The following AAK1 variants were observed in gnomAD, a reference collection of about 807,000 sequenced individuals.
AAK1 encodes AP2 associated kinase 1, also known as AP2-associated protein kinase 1.
AAK1 carries 37 observed loss-of-function variants against 116.0 expected under a neutral mutation model. The ratio of observed to expected loss-of-function variants is 0.32; its 90% confidence interval spans 0.25 to 0.42. The LOEUF is 0.42. AAK1 is among the 10% of genes least tolerant of loss of function. AAK1 has a pLI of 1.00. For missense variants in AAK1, 919 were observed against 1,170.6 expected (o/e 0.79, Z 3.14); for synonymous variants, 458 against 439.9 (o/e 1.04, Z -0.51).
chr2:69,492,340 A>G (rs1331552914), intron 17 of AAK1, among the ~76,000 whole-genome samples: 4 of 151,290 alleles, frequency 2.6e-5, no homozygotes, highest in Non-Finnish European at 4.4e-5. Context: ...CAGCCTCCTG[A>G]GTGCCTGGGA....
intron 2 of AAK1, among the ~76,000 whole-genome samples, chr2:69,640,051 A>ACTCTCTCTCTCTCTCTCTCT (rs34183429): frequency 4.1e-4 from 41 of 100,782 alleles, no homozygotes; most frequent in Non-Finnish European, 1.5e-4. Context: ...ACACACACAC[A>ACTCTCTCTCTCTCTCTCTCT]CACTCTCTCT....
At chr2:69,616,218 G>A (rs1033700457) in intron 2 of AAK1, among the ~76,000 whole-genome samples, 1 of 152,172 alleles carries the variant, frequency 6.6e-6, no homozygotes, top group African/African-American at 2.4e-5. Flanking sequence ...TCCAGGCTGA[G>A]CTTCTGGGCT....
At chr2:69,593,426 C>T (rs1369521986) in intron 2 of AAK1, among the ~76,000 whole-genome samples, 2 of 151,296 alleles carry the variant, frequency 1.3e-5, no homozygotes, top group East Asian at 3.9e-4. Context: ...ATTTTTACCA[C>T]AAGTAAATTT....
At chr2:69,503,248 T>C (rs967077417) in intron 16 of AAK1, among the ~76,000 whole-genome samples, 1 of 152,228 alleles carries the variant, frequency 6.6e-6, no homozygotes, top group African/African-American at 2.4e-5. Context: ...AATAAATTTA[T>C]GAGGTTAGAA....
At chr2:69,490,188 T>C (rs1675465876) in intron 17 of AAK1, among the ~76,000 whole-genome samples, 1 of 152,206 alleles carries the variant, frequency 6.6e-6, no homozygotes, top group Non-Finnish European at 1.5e-5. Context: ...AAAGATCGTT[T>C]CCTCAAATCC....
chr2:69,614,653 G>A (rs1464523161), intron 2 of AAK1, among the ~76,000 whole-genome samples: 1 of 152,174 alleles, frequency 6.6e-6, no homozygotes, highest in Non-Finnish European at 1.5e-5. Flanking sequence ...CATGTCCTAA[G>A]CCCAGAAACC....
rs561280700 is a variant in AAK1 at position 69,594,777 on chromosome 2, T to A, written c.164-37799A>T. 64 of 1,039,874 alleles carry A rather than the reference T, an allele frequency of 6.2e-5. No individual in the cohort carries two copies. In the South Asian group the frequency reaches 7.6e-4, roughly 12 times the overall value. The allele number at this position is 1,039,874 out of a possible 1,614,324, so 64.4% of individuals were successfully genotyped here. A position where few individuals can be genotyped will look rare whatever the true frequency, so the allele number is the denominator to read the frequency against. ...TCACTTAGCCCTTTCTCTTCTTACC[T>A]CCTCCCAGTTCAGAATGCTTGCCTC... On this transcript the variant is annotated intron_variant, in intron 2 of 21. Coordinates refer to ENST00000409085, the MANE Select transcript of AAK1 (RefSeq NM_014911.5).
intron 17 of AAK1, among the ~76,000 whole-genome samples, chr2:69,486,056 C>A (rs1280003553): frequency 1.3e-5 from 2 of 151,896 alleles, no homozygotes; most frequent in Non-Finnish European, 2.9e-5. Context: ...TCGGGCTCAA[C>A]AGATCCTTCA....
chr2:69,591,516 T>A (rs1673024260), intron 2 of AAK1, among the ~76,000 whole-genome samples: 1 of 138,252 alleles, frequency 7.2e-6, no homozygotes, highest in African/African-American at 2.6e-5. Flanking sequence ...TTTCTTTTTT[T>A]CTTTTTCTTT....
At chr2:69,635,197 T>C (rs1031903007) in intron 2 of AAK1, among the ~76,000 whole-genome samples, 1 of 152,160 alleles carries the variant, frequency 6.6e-6, no homozygotes, top group Admixed American at 6.5e-5. Flanking sequence ...CATAACAAGA[T>C]GCGTGACATC....
chr2:69,570,453 G>A lies in AAK1; in HGVS notation c.164-13475C>T, dbSNP rs370093399. On this transcript the variant is annotated intron_variant, in intron 2 of 21. Coordinates refer to ENST00000409085, the MANE Select transcript of AAK1 (RefSeq NM_014911.5). The stretch of plus-strand genomic sequence containing the variant: ...AATGTATTGTGATTATCTTGGATGT[G>A]TTAATCTCTCCACTAGACAGACAAG... 1.2e-4 allele frequency among the ~76,000 whole-genome samples: 19 copies of A among 152,094 alleles called. No homozygotes were observed. In the East Asian group the frequency reaches 3.5e-3, roughly 28 times the overall value.
At chr2:69,527,599 A>T (rs1670076649) in intron 8 of AAK1, among the ~76,000 whole-genome samples, 1 of 152,178 alleles carries the variant, frequency 6.6e-6, no homozygotes. Context: ...AGCTCTCAAT[A>T]TGAAAGTTAC....
intron 17 of AAK1, among the ~76,000 whole-genome samples, chr2:69,491,958 C>T: frequency 6.6e-6 from 1 of 152,066 alleles, no homozygotes; most frequent in East Asian, 1.9e-4. Context: ...TGAGAACTGT[C>T]CCAAAGATAA....
chr2:69,525,149 G>A (rs1669970272), intron 9 of AAK1, 37 bp from the exon 10 acceptor site: 1 of 1,591,988 alleles, frequency 6.3e-7, no homozygotes, highest in Non-Finnish European at 8.6e-7. Flanking sequence ...AAAACAAAAG[G>A]ACATCACAGA....
chr2:69,539,139 T>A (rs1331957706), intron 5 of AAK1, among the ~76,000 whole-genome samples: 1 of 151,806 alleles, frequency 6.6e-6, no homozygotes, highest in African/African-American at 2.4e-5. Context: ...GAGAGGCTAG[T>A]GATTTGAGAA....
intron 5 of AAK1, among the ~76,000 whole-genome samples, chr2:69,539,517 C>A (rs1045727199): frequency 6.6e-6 from 1 of 152,214 alleles, no homozygotes; most frequent in Non-Finnish European, 1.5e-5. Context: ...TTCTCCAAGG[C>A]AGGCAGCAAG....
intron 2 of AAK1, among the ~76,000 whole-genome samples, chr2:69,559,299 C>T (rs1671532990): frequency 2.8e-5 from 2 of 71,348 alleles, no homozygotes; most frequent in Non-Finnish European, 6.7e-5. Context: ...CACACACACA[C>T]TCTCTCTCTC....
chr2:69,636,857 G>A (rs866541239), intron 2 of AAK1, among the ~76,000 whole-genome samples: 1 of 151,928 alleles, frequency 6.6e-6, no homozygotes, highest in East Asian at 1.9e-4. Context: ...CCGCCACCAC[G>A]CCCGGCTAAT....
chr2:69,642,835 C>T, intron 2 of AAK1, 43 bp downstream of exon 2: 1 of 1,612,376 alleles, frequency 6.2e-7, no homozygotes, highest in Non-Finnish European at 8.5e-7. Context: ...ATTGCCGCAT[C>T]AGCACAAGAT....
Sources: gnomAD v4.1 joint callset for allele counts (sites outside exome capture counted in the v4.1 genomes callset) on GRCh38, gnomAD v4.1.1 for gene constraint, MANE v1.5 for transcripts, NCBI Gene and HGNC (gene_info 2026-07-23, HGNC 2026-07-21) for gene names.